RBFOX3: variants seen among roughly 807,000 people sequenced by gnomAD.
RBFOX3 encodes RNA binding protein fox-1 homolog 3.
In RBFOX3, 17 loss-of-function variants were observed where a neutral mutation model predicts 48.7. The observed-to-expected ratio is 0.35, with a 90% CI of 0.24 to 0.52. The LOEUF (loss-of-function observed/expected upper bound fraction) is 0.52, where lower values mean the gene tolerates loss of function less well. Ranked by LOEUF, RBFOX3 falls within the 20% of genes least tolerant of loss-of-function variation. RBFOX3 has a pLI of 0.94. For synonymous variants in RBFOX3, 212 were observed against 209.5 expected (o/e 1.01, Z -0.10); for missense variants, 382 against 497.5 (o/e 0.77, Z 2.21).
At chr17:79,514,880 T>C (rs1480722687) in intron 1 of RBFOX3, among the ~76,000 whole-genome samples, 6 of 152,132 alleles carry the variant, frequency 3.9e-5, no homozygotes, top group Admixed American at 3.9e-4. Context: ...GTGGAGCTGT[T>C]CTCTTGGGAC....
rs1413207657 is a variant in RBFOX3, at chr17:79,391,467, T to G, written c.-174-83643A>C. On this transcript the variant is annotated intron_variant, in intron 2 of 14. Coordinates refer to ENST00000693108, the MANE Select transcript of RBFOX3 (RefSeq NM_001350451.2). The surrounding 1 kb of genome is among the most constrained non-coding windows in gnomAD (Gnocchi z 5.0). ...TAATAATGGGTGGTATCATAACATC[T>G]TCCTGAATTATTATCTAAAATGTCA... Among the ~76,000 whole-genome samples the G allele has an allele frequency of 1.3e-5, 2 of 152,216 alleles. No homozygotes were observed. The highest frequency in any genetic ancestry group is 2.9e-5 in the Non-Finnish European group (2 of 68,046).
At chr17:79,593,516 G>A (rs2093481232) in intron 1 of RBFOX3, among the ~76,000 whole-genome samples, 1 of 152,182 alleles carries the variant, frequency 6.6e-6, no homozygotes, top group South Asian at 2.1e-4. Context: ...ACGGGAGGGT[G>A]GGCGTGGAGA....
chr17:79,632,741 TAAA>T, the RBFOX3 span, among the ~76,000 whole-genome samples: 165 of 125,474 alleles, frequency 1.3e-3, no homozygotes, highest in African/African-American at 4.3e-3. Context: ...ACGTATCTAC[TAAA>T]AAAAAAAAAA....
intron 2 of RBFOX3, among the ~76,000 whole-genome samples, chr17:79,438,965 T>A (rs2070201171): frequency 1.3e-5 from 2 of 152,222 alleles, no homozygotes; most frequent in Admixed American, 1.3e-4. Context: ...ATCTCCCTTT[T>A]CTCCCTCCTC....
At chr17:79,492,610 C>T (rs966422826) in intron 1 of RBFOX3, among the ~76,000 whole-genome samples, 13 of 152,360 alleles carry the variant, frequency 8.5e-5, no homozygotes, top group Middle Eastern at 3.4e-3. Flanking sequence ...CTCGAAGGGA[C>T]GCTGAGCCAG....
In RBFOX3 at chr17:79,463,919, T is replaced by TCGCCAC. The variant is rs1555751684; in HGVS notation, c.-175+18534_-175+18535insGTGGCG. On this transcript the variant is annotated intron_variant, in intron 2 of 14. Coordinates refer to ENST00000693108, the MANE Select transcript of RBFOX3 (RefSeq NM_001350451.2). Reference sequence around the variant, plus strand: ...ATCACCACTGCCACCACCACCACCATTGCCACTGCCACCTCCCCACCATCG... The same window carrying TCGCCAC: ...ATCACCACTGCCACCACCACCACCATCGCCACTGCCACTGCCACCTCCCCACCATCG... Among the ~76,000 whole-genome samples the TCGCCAC allele has an allele frequency of 2.0e-3, 221 of 109,526 alleles. 1 individual carries two copies. Among genetic ancestry groups the TCGCCAC allele is most frequent in the Non-Finnish European group, 3.1e-3 (168 of 54,966 alleles). 71.9% of individuals were successfully genotyped at this position (109,526 alleles called of 152,430 possible).
intron 4 of RBFOX3, among the ~76,000 whole-genome samples, chr17:79,152,080 A>G (rs997880771): frequency 2.0e-5 from 3 of 151,642 alleles, no homozygotes; most frequent in African/African-American, 7.3e-5. Context: ...CCCCCCACCC[A>G]CCAGTCCCAA....
At chr17:79,406,760 G>A (rs2063585279) in intron 2 of RBFOX3, among the ~76,000 whole-genome samples, 1 of 152,190 alleles carries the variant, frequency 6.6e-6, no homozygotes. Context: ...ACATGTGTTT[G>A]TTTAACTGGC....
rs114264153 is a variant in RBFOX3 at position 79,097,956 on chromosome 17, G to A, written c.569-211C>T. ...TCCTTCCTGACTCTTCTGCCTGGGG[G>A]TCTGCTAGGATTCTTTCCCAATTGT... On this transcript the variant is annotated intron_variant, in intron 9 of 14. Transcript: ENST00000693108. The A allele has an allele frequency of 3.2e-3, 1,875 of 590,016 alleles. 29 individuals are homozygous for A. Among genetic ancestry groups the A allele is most frequent in the African/African-American group, 0.028 (1,483 of 53,780 alleles). The allele number at this position is 590,016 out of a possible 1,614,324, so 36.5% of individuals were successfully genotyped here.
intron 2 of RBFOX3, among the ~76,000 whole-genome samples, chr17:79,405,210 AACTGGGGCATTCTCCTCCAC>A (rs1242979109): frequency 2.0e-5 from 3 of 152,132 alleles, no homozygotes; most frequent in Admixed American, 6.5e-5. Flanking sequence ...AGCTCGATGC[AACTGGGGCATTCTCCTCCAC>A]ACTGGGGCAT....
chr17:79,415,121 C>G (rs2065113089), intron 2 of RBFOX3, among the ~76,000 whole-genome samples: 1 of 152,198 alleles, frequency 6.6e-6, no homozygotes. Context: ...GTTCAAGTGA[C>G]TTCTGAGACC....
intron 2 of RBFOX3, among the ~76,000 whole-genome samples, chr17:79,356,373 T>TTTTTTTTTG (rs2085101936): frequency 1.1e-5 from 1 of 88,992 alleles, no homozygotes. Flanking sequence ...TTTTTTTTTT[T>TTTTTTTTTG]TTTTTTTTTT....
At chr17:79,173,634 C>T (rs953866195) in intron 4 of RBFOX3, among the ~76,000 whole-genome samples, 1 of 152,168 alleles carries the variant, frequency 6.6e-6, no homozygotes, top group African/African-American at 2.4e-5. Flanking sequence ...ACTGGATGCG[C>T]CAGCGGGTCT....
At chr17:79,462,891 C>A (rs995205335) in intron 2 of RBFOX3, among the ~76,000 whole-genome samples, 13 of 152,172 alleles carry the variant, frequency 8.5e-5, no homozygotes, top group African/African-American at 1.2e-4. Flanking sequence ...ACACTCTCAG[C>A]CCAAGCCCAT....
chr17:79,617,027 G>T, the RBFOX3 span, among the ~76,000 whole-genome samples: 1 of 152,108 alleles, frequency 6.6e-6, no homozygotes, highest in Non-Finnish European at 1.5e-5. Flanking sequence ...CCGCCGGCTG[G>T]CTCTCCGCTC....
At chr17:79,264,325 G>A (rs896354207) in intron 3 of RBFOX3, among the ~76,000 whole-genome samples, 7 of 151,376 alleles carry the variant, frequency 4.6e-5, no homozygotes, top group Admixed American at 1.3e-4. Flanking sequence ...ATCCATGTGC[G>A]TCGCCCTCCC....
the RBFOX3 span, among the ~76,000 whole-genome samples, chr17:79,662,304 A>G: frequency 6.6e-6 from 1 of 151,596 alleles, no homozygotes; most frequent in African/African-American, 2.4e-5. Context: ...TTGTATTTCT[A>G]GTAGAGACAG....
At chr17:79,525,018 C>G (rs1003230977) in intron 1 of RBFOX3, among the ~76,000 whole-genome samples, 32 of 152,346 alleles carry the variant, frequency 2.1e-4, no homozygotes, top group African/African-American at 7.0e-4. Flanking sequence ...GAGCAACACC[C>G]TGCCATGTTC....
chr17:79,437,395 G>A (rs1030706190), intron 2 of RBFOX3, among the ~76,000 whole-genome samples: 7 of 152,218 alleles, frequency 4.6e-5, no homozygotes, highest in Admixed American at 1.3e-4. Context: ...AATAAATGAC[G>A]AGCCCAGGGA....
Sources: allele counts gnomAD v4.1 joint callset (sites outside exome capture counted in the v4.1 genomes callset), GRCh38; gene constraint gnomAD v4.1.1; non-coding constraint Gnocchi (gnomAD v3.1); transcripts MANE v1.5; gene names NCBI Gene and HGNC (gene_info 2026-07-23, HGNC 2026-07-21).